KHDRBS2: variants seen among roughly 807,000 people sequenced by gnomAD.
The protein encoded by KHDRBS2 is KH domain-containing, RNA-binding, signal transduction-associated protein 2.
A neutral mutation model predicts 44.3 loss-of-function variants in KHDRBS2; 26 were observed. The ratio of observed to expected loss-of-function variants is 0.59; its 90% confidence interval spans 0.43 to 0.81. The LOEUF (loss-of-function observed/expected upper bound fraction) is 0.81. Among genes scored for constraint, KHDRBS2 ranks in the 40% least tolerant of loss-of-function variants. The probability of loss-of-function intolerance (pLI) is 0.00; values close to 1 mark genes in which losing one functional copy is unlikely to be tolerated. For missense variants in KHDRBS2, 476 were observed against 433.1 expected (o/e 1.10, Z -0.88); for synonymous variants, 194 against 151.1 (o/e 1.28, Z -2.08).
At chr6:62,159,937 A>G (rs1170484647) in intron 2 of KHDRBS2, among the ~76,000 whole-genome samples, 1 of 152,148 alleles carries the variant, frequency 6.6e-6, no homozygotes, top group Non-Finnish European at 1.5e-5. Context: ...TAGGGGTGGC[A>G]GAGGTGAAAG....
chr6:62,116,684 C>T (rs1247259827), intron 2 of KHDRBS2, among the ~76,000 whole-genome samples: 11 of 152,236 alleles, frequency 7.2e-5, no homozygotes, highest in Middle Eastern at 3.4e-3. Flanking sequence ...CCCTACTGTG[C>T]TATCAAACAC....
At chr6:62,038,580 C>T (rs1194426291) in intron 3 of KHDRBS2, among the ~76,000 whole-genome samples, 3 of 152,020 alleles carry the variant, frequency 2.0e-5, no homozygotes, top group African/African-American at 4.8e-5. Context: ...AACATCACTG[C>T]AACTAATGAA....
At chr6:61,765,224 T>G (rs1562120479) in intron 6 of KHDRBS2, among the ~76,000 whole-genome samples, 1 of 152,074 alleles carries the variant, frequency 6.6e-6, no homozygotes, top group Non-Finnish European at 1.5e-5. Flanking sequence ...AGGCTGAGGT[T>G]GTAGGATTGT....
At chr6:62,017,806 T>C (rs1160187384) in intron 3 of KHDRBS2, among the ~76,000 whole-genome samples, 3 of 152,196 alleles carry the variant, frequency 2.0e-5, no homozygotes, top group South Asian at 2.1e-4. Context: ...AGTGGCAAAA[T>C]AGCACACACA....
chr6:61,974,119 C>A (rs571969267), intron 4 of KHDRBS2, among the ~76,000 whole-genome samples: 1 of 152,192 alleles, frequency 6.6e-6, no homozygotes, highest in Admixed American at 6.5e-5. Flanking sequence ...ATTAGTAAAA[C>A]TTATTAATTC....
At position 61,894,675 on chromosome 6, in the gene KHDRBS2, C is replaced by T; in HGVS notation, c.770G>A (p.Arg257Lys). The T allele has an allele frequency of 1.2e-6, 2 of 1,613,282 alleles. No individual in the cohort carries two copies. The highest frequency in any genetic ancestry group is 1.1e-5 in the South Asian group (1 of 90,954). The change falls in exon 6 of 9, where the codon AGG becomes AAG. Residue 257 changes from arginine (R) to lysine (K), a missense_variant. Physicochemically the swap from Arg to Lys is conservative, Grantham distance 26 (BLOSUM62 2). Coordinates refer to ENST00000281156, the MANE Select transcript of KHDRBS2 (RefSeq NM_152688.4). The stretch of plus-strand genomic sequence containing the variant: ...TTCATGGGCTGGAGGAGGAGGTGCC[C>T]TGTATCCTGGCACTGTTGGTGCCCC... ...ARGAPTVPGY[R>K]APPPPAHEAY... is the part of the protein sequence containing the mutation.
chr6:62,132,250 G>A (rs1262424403), intron 2 of KHDRBS2, among the ~76,000 whole-genome samples: 1 of 152,168 alleles, frequency 6.6e-6, no homozygotes, highest in Admixed American at 6.5e-5. Context: ...TAATCTGTCA[G>A]CTAAGTCATT....
chr6:61,686,991 A>G (rs1253062582), intron 8 of KHDRBS2, among the ~76,000 whole-genome samples: 2 of 151,744 alleles, frequency 1.3e-5, no homozygotes, highest in African/African-American at 4.8e-5. Flanking sequence ...CCAAAGTGGA[A>G]TGCAGAGTTC....
intron 3 of KHDRBS2, among the ~76,000 whole-genome samples, chr6:61,982,944 AC>A (rs1774175160): frequency 6.6e-6 from 1 of 152,028 alleles, no homozygotes; most frequent in East Asian, 1.9e-4. Flanking sequence ...AATTGATGAT[AC>A]TTTTATAAAC....
At position 61,901,225 on chromosome 6, in the gene KHDRBS2, AAAGT is replaced by A. The variant is rs1377328898; in HGVS notation, c.611+15_611+18del. The A allele has an allele frequency of 1.2e-6, 2 of 1,603,468 alleles. No individual in the cohort carries two copies. The highest frequency in any genetic ancestry group is 2.2e-5 in the East Asian group (1 of 44,760). On this transcript the variant is annotated intron_variant, in intron 5 of 8. Transcript: ENST00000281156. ...GCCTGCCATCATCCTTAATTTATTTAAAGTAAGAATGAATGTACCTTGAAGGAGC... is the reference window on the plus strand; with the variant it reads ...GCCTGCCATCATCCTTAATTTATTTAAAGAATGAATGTACCTTGAAGGAGC...
At chr6:61,569,307 C>A in the KHDRBS2 span, among the ~76,000 whole-genome samples, 3 of 152,146 alleles carry the variant, frequency 2.0e-5, no homozygotes, top group Non-Finnish European at 2.9e-5. Flanking sequence ...TTTCTACCCA[C>A]CCTTGTAGCC....
At chr6:62,128,788 C>A (rs1000605609) in intron 2 of KHDRBS2, among the ~76,000 whole-genome samples, 2 of 151,438 alleles carry the variant, frequency 1.3e-5, no homozygotes, top group African/African-American at 4.8e-5. Context: ...ACAATTACAA[C>A]GACACAATAA....
At chr6:62,006,713 T>C (rs879438571) in intron 3 of KHDRBS2, among the ~76,000 whole-genome samples, 3 of 151,954 alleles carry the variant, frequency 2.0e-5, no homozygotes, top group Non-Finnish European at 2.9e-5. Context: ...TAAAGTATAA[T>C]ATAGAATGTA....
intron 7 of KHDRBS2, among the ~76,000 whole-genome samples, chr6:61,700,770 T>G (rs1561988306): frequency 6.6e-6 from 1 of 151,310 alleles, no homozygotes; most frequent in East Asian, 2.0e-4. Context: ...AAAGTGATGA[T>G]CTAGTATCTG....
chr6:61,726,510 A>T (rs1773588513), intron 7 of KHDRBS2, among the ~76,000 whole-genome samples: 1 of 152,150 alleles, frequency 6.6e-6, no homozygotes, highest in African/African-American at 2.4e-5. Flanking sequence ...ACATAATCCT[A>T]TATCCAGAAA....
At chr6:61,990,365 T>C (rs1388036393) in intron 3 of KHDRBS2, among the ~76,000 whole-genome samples, 1 of 152,168 alleles carries the variant, frequency 6.6e-6, no homozygotes, top group Non-Finnish European at 1.5e-5. Flanking sequence ...AATCTACTTA[T>C]ATAAATTCTA....
intron 2 of KHDRBS2, among the ~76,000 whole-genome samples, chr6:62,108,818 T>C (rs1299073096): frequency 6.6e-6 from 1 of 151,856 alleles, no homozygotes; most frequent in Non-Finnish European, 1.5e-5. Flanking sequence ...AAATTAGAAA[T>C]CATCAGTCTC....
At chr6:61,867,795 C>G (rs1416771323) in intron 6 of KHDRBS2, among the ~76,000 whole-genome samples, 1 of 152,192 alleles carries the variant, frequency 6.6e-6, no homozygotes, top group Non-Finnish European at 1.5e-5. Flanking sequence ...TGTCAAACAG[C>G]CAAGATGGCC....
the KHDRBS2 span, among the ~76,000 whole-genome samples, chr6:61,662,270 T>C: frequency 6.6e-6 from 1 of 152,016 alleles, no homozygotes; most frequent in Non-Finnish European, 1.5e-5. Context: ...AAGACTTACA[T>C]GTTAGACCTA....
Sources: gnomAD v4.1 joint callset for allele counts (sites outside exome capture counted in the v4.1 genomes callset) on GRCh38, gnomAD v4.1.1 for gene constraint, MANE v1.5 for transcripts, NCBI Gene and HGNC (gene_info 2026-07-23, HGNC 2026-07-21) for gene names.